Variants in RC3H2 observed in about 807,000 individuals in gnomAD.
RC3H2 encodes roquin-2.
RC3H2 carries 31 observed loss-of-function variants against 133.3 expected under a neutral mutation model. The observed-to-expected ratio is 0.23, with a 90% CI of 0.17 to 0.31. The LOEUF is 0.31. Ranked by LOEUF, RC3H2 falls within the 10% of genes least tolerant of loss-of-function variation. The pLI is 1.00. For synonymous variants in RC3H2, 517 were observed against 502.2 expected, an observed-to-expected ratio of 1.03 and a Z score of -0.40; for missense variants, 1,175 against 1,437.2, an observed-to-expected ratio of 0.82 and a Z score of 2.95.
intron 4 of RC3H2, among the ~76,000 whole-genome samples, chr9:122,886,639 A>AT (rs749911250): frequency 5.9e-5 from 9 of 152,210 alleles, no homozygotes; most frequent in Admixed American, 1.3e-4. Context: ...ACAGTGGGCT[A>AT]TAAGCGTGCC....
Position 122,858,866 on chromosome 9 carries a change from C to A in RC3H2, c.2086G>T (p.Asp696Tyr). The change falls in exon 12 of 21, where the codon GAC becomes TAC. Residue 696 changes from aspartate to tyrosine, a missense_variant. This residue lies in a region of RC3H2 where 490 missense variants were observed against 492.8 expected (regional missense o/e 0.99). Coordinates refer to ENST00000357244, the MANE Select transcript of RC3H2 (RefSeq NM_001100588.3). The stretch of plus-strand genomic sequence containing the variant: ...GGTGGGCGCCAGATGCGCCTGCTGT[C>A]GTACACAGGAGCATACATTCCAGAA... Reference protein sequence around the residue: ...VPSGMYAPVYDSRRIWRPPMY... With the variant: ...VPSGMYAPVYYSRRIWRPPMY... 1 of 1,614,250 alleles carries A rather than the reference C, an allele frequency of 6.2e-7. No individual in the cohort carries two copies. Among genetic ancestry groups the A allele is most frequent in the South Asian group, 1.1e-5 (1 of 91,078 alleles).
intron 9 of RC3H2, among the ~76,000 whole-genome samples, chr9:122,868,117 T>TGG (rs1472606284): frequency 7.4e-6 from 1 of 134,396 alleles, no homozygotes; most frequent in Non-Finnish European, 1.6e-5. Context: ...AGGAGGGAGG[T>TGG]GGGGGTGTCA....
chr9:122,867,889 A>G (rs1830787981), intron 9 of RC3H2, among the ~76,000 whole-genome samples: 2 of 48,558 alleles, frequency 4.1e-5, no homozygotes, highest in African/African-American at 7.2e-5. Flanking sequence ...TCCGGGAGGG[A>G]GGTGGGGGGG....
chr9:122,877,935 A>G (rs1831410450), intron 8 of RC3H2, among the ~76,000 whole-genome samples: 1 of 152,254 alleles, frequency 6.6e-6, no homozygotes, highest in African/African-American at 2.4e-5. Context: ...AAAGCATTAA[A>G]AAAAAACCAA....
chr9:122,849,697 G>A lies in RC3H2; in HGVS notation c.3506C>T (p.Thr1169Ile). 6.2e-7 allele frequency: 1 copy of A among 1,613,084 alleles called. No individual in the cohort carries two copies. The highest frequency in any genetic ancestry group is 1.1e-5 in the South Asian group (1 of 90,982). The change falls in exon 21 of 21, where the codon ACT becomes ATT. Residue 1169 changes from threonine (T) to isoleucine (I), a missense_variant. By Grantham distance (89) the Thr-to-Ile change is moderately conservative. Coordinates refer to ENST00000357244, the MANE Select transcript of RC3H2 (RefSeq NM_001100588.3). ...SVSAGNLILK[T>I]HVMSEDKNDF... is the part of the protein sequence containing the mutation. ...GTTTTTATCTTCAGACATAACATGA[G>A]TTTTCAGAATGAGGTTGCCAGCACT...
intron 2 of RC3H2, among the ~76,000 whole-genome samples, chr9:122,894,076 G>A (rs9802940): frequency 0.067 from 10,166 of 152,082 alleles, 1,265 homozygotes; most frequent in East Asian, 0.53. Context: ...TGGCTAACAC[G>A]GTGAAACCCT....
chr9:122,880,891 C>T, intron 5 of RC3H2, 97 bp from the exon 6 acceptor site: 4 of 788,030 alleles, frequency 5.1e-6, no homozygotes, highest in Non-Finnish European at 8.5e-6. Context: ...GGGATACTTA[C>T]ATATCAGACA....
intron 14 of RC3H2, 70 bp downstream of exon 14, chr9:122,855,662 T>C: frequency 4.0e-6 from 6 of 1,507,732 alleles, no homozygotes; most frequent in Middle Eastern, 1.8e-4. Context: ...TAGAAAACAT[T>C]CATTCTACAA....
chr9:122,868,122 GT>G lies in RC3H2; in HGVS notation c.1326-2466del, dbSNP rs538343075. Among the ~76,000 whole-genome samples, 415 of 144,426 alleles carry G rather than the reference GT, an allele frequency of 2.9e-3. 1 individual carries two copies. The highest frequency in any genetic ancestry group is 9.9e-3 in the African/African-American group (386 of 39,170). The allele number at this position is 144,426 out of a possible 152,430, so 94.7% of individuals were successfully genotyped here. A position where few individuals can be genotyped will look rare whatever the true frequency, so the allele number is the denominator to read the frequency against. Reference sequence around the variant, plus strand: ...CACCCCGTCCAGGAGGGAGGTGGGGGTGTCAGCCCCCCGCCCGGCCAGCCGC... The same window carrying G: ...CACCCCGTCCAGGAGGGAGGTGGGGGGTCAGCCCCCCGCCCGGCCAGCCGC... On this transcript the variant is annotated intron_variant, in intron 9 of 20. Coordinates refer to ENST00000357244, the MANE Select transcript of RC3H2 (RefSeq NM_001100588.3).
At position 122,858,674 on chromosome 9, in the gene RC3H2, G is replaced by A. The variant is rs745666844; in HGVS notation, c.2278C>T (p.Pro760Ser). The change falls in exon 12 of 21, where the codon CCA becomes TCA. Residue 760 changes from proline to serine, a missense_variant. Pro to Ser is a moderately conservative substitution (Grantham distance 74, BLOSUM62 -1). Coordinates refer to ENST00000357244, the MANE Select transcript of RC3H2 (RefSeq NM_001100588.3). ...PSEPRTTVPL[P>S]REPCGHLKTS... ...ATAGTAGCATCTTCACTTACCCTTG[G>A]TAAAGGCACAGTTGTCCTTGGCTCA... The A allele has an allele frequency of 5.0e-6, 8 of 1,606,690 alleles. No individual in the cohort carries two copies. The highest frequency in any genetic ancestry group is 6.8e-6 in the Non-Finnish European group (8 of 1,178,118).
Position 122,858,922 on chromosome 9 carries a change from G to A in RC3H2, c.2030C>T (p.Pro677Leu), listed in dbSNP as rs371486566. ...MNSSPYQPPP[P>L]QPYGPVPPVP... ...TGGAGGAACTGGTCCATACGGCTGC[G>A]GAGGAGGAGGCTGGTAAGGAGAAGA... The change falls in exon 12 of 21, where the codon CCG (proline) becomes CTG (leucine). Residue 677 changes from proline (P) to leucine (L), a missense_variant. By Grantham distance (98) the Pro-to-Leu change is moderately conservative. Around this residue, in one of 8 missense-constraint regions of RC3H2, gnomAD observed 490 missense variants for 492.8 expected, o/e 0.99. Coordinates refer to ENST00000357244, the MANE Select transcript of RC3H2 (RefSeq NM_001100588.3). 5.0e-5 allele frequency: 81 copies of A among 1,614,230 alleles called. 1 individual carries two copies. The highest frequency in any genetic ancestry group is 3.3e-4 in the Middle Eastern group (2 of 6,062).
At chr9:122,881,019 TAAGA>T (rs765864935) in intron 5 of RC3H2, among the ~76,000 whole-genome samples, 3 of 152,120 alleles carry the variant, frequency 2.0e-5, no homozygotes, top group Non-Finnish European at 2.9e-5. Context: ...CAGCCACTAG[TAAGA>T]AAGAGAAACT....
chr9:122,870,445 A>C (rs1831035317), intron 9 of RC3H2, among the ~76,000 whole-genome samples: 1 of 151,998 alleles, frequency 6.6e-6, no homozygotes, highest in Admixed American at 6.6e-5. Context: ...GATAATCCAC[A>C]AGGTTGCTCT....
chr9:122,855,425 A>G, intron 14 of RC3H2, 28 bp from the exon 15 acceptor site: 1 of 1,583,524 alleles, frequency 6.3e-7, no homozygotes, highest in Non-Finnish European at 8.7e-7. Flanking sequence ...AATCAATAAA[A>G]GGACTGTTGG....
intron 9 of RC3H2, among the ~76,000 whole-genome samples, chr9:122,866,523 G>C (rs1479599929): frequency 1.3e-5 from 2 of 151,414 alleles, no homozygotes; most frequent in African/African-American, 2.4e-5. Flanking sequence ...TCCTGCCTCA[G>C]CCTGCGGAGT....
Position 122,853,392 on chromosome 9 carries a change from A to AAAG in RC3H2, c.3117+559_3117+560insCTT, listed in dbSNP as rs1830124715. Among the ~76,000 whole-genome samples the AAAG allele has an allele frequency of 2.6e-5, 4 of 151,202 alleles. No homozygotes were observed. The South Asian group carries it at 8.3e-4, about 31-fold the overall frequency. On this transcript the variant is annotated intron_variant, in intron 18 of 20. Transcript: ENST00000357244. Reference sequence around the variant, plus strand: ...AGAATGATCAATAAAAAAAAAAAAAAAAAAAGAAAAATACTGATTTTATAC... The same window carrying AAAG: ...AGAATGATCAATAAAAAAAAAAAAAAAAGAAAAAGAAAAATACTGATTTTATAC...
intron 10 of RC3H2, 94 bp from the exon 11 acceptor site, chr9:122,860,225 C>T (rs1192665002): frequency 1.1e-6 from 1 of 941,608 alleles, no homozygotes; most frequent in East Asian, 2.5e-5. Context: ...ATTCTGAAAC[C>T]ACTAATAGAA....
At chr9:122,858,124 C>A in intron 12 of RC3H2, 31 bp from the exon 13 acceptor site, 1 of 1,598,212 alleles carries the variant, frequency 6.3e-7, no homozygotes, top group Non-Finnish European at 8.6e-7. Context: ...CAATCTTAAT[C>A]ATCTAGGGAG....
At chr9:122,887,187 T>C (rs1234785058) in intron 4 of RC3H2, among the ~76,000 whole-genome samples, 1 of 152,194 alleles carries the variant, frequency 6.6e-6, no homozygotes, top group Non-Finnish European at 1.5e-5. Flanking sequence ...ATTTTTCTAA[T>C]TGTATCATTT....
Sources: allele counts gnomAD v4.1 joint callset (sites outside exome capture counted in the v4.1 genomes callset), GRCh38; gene constraint gnomAD v4.1.1; regional missense constraint gnomAD v4.1.1; transcripts MANE v1.5; gene names NCBI Gene and HGNC (gene_info 2026-07-23, HGNC 2026-07-21).